Variants in MARCHF4 observed in about 807,000 individuals in gnomAD.
The protein encoded by MARCHF4 is E3 ubiquitin-protein ligase MARCHF4.
In MARCHF4, 14 loss-of-function variants were observed where a neutral mutation model predicts 43.9. That is an observed-to-expected ratio of 0.32 (90% confidence interval 0.21 to 0.50). The LOEUF (loss-of-function observed/expected upper bound fraction) is 0.50, where lower values mean the gene tolerates loss of function less well. Ranked by LOEUF, MARCHF4 falls within the 20% of genes least tolerant of loss-of-function variation. The probability of loss-of-function intolerance (pLI) is 0.98; values close to 1 mark genes in which losing one functional copy is unlikely to be tolerated. For missense variants in MARCHF4, 468 were observed against 536.7 expected, an observed-to-expected ratio of 0.87 and a Z score of 1.27; for synonymous variants, 226 against 213.3, an observed-to-expected ratio of 1.06 and a Z score of -0.52.
At chr2:216,306,500 A>G (rs10201088) in intron 1 of MARCHF4, among the ~76,000 whole-genome samples, 50,634 of 152,084 alleles carry the variant, frequency 0.33, 8,566 homozygotes, top group Non-Finnish European at 0.35. Flanking sequence ...TTGTCAAGAC[A>G]TTATAATCTT....
chr2:216,306,543 G>A (rs1022453353), intron 1 of MARCHF4, among the ~76,000 whole-genome samples: 1 of 152,096 alleles, frequency 6.6e-6, no homozygotes, highest in African/African-American at 2.4e-5. Context: ...ACATTTAACT[G>A]AGGGTGGTTT....
chr2:216,344,658 G>A (rs550967357), intron 1 of MARCHF4, among the ~76,000 whole-genome samples: 1 of 152,296 alleles, frequency 6.6e-6, no homozygotes, highest in South Asian at 2.1e-4. Context: ...TTCAGTCAGT[G>A]AGGGAGGTGG....
chr2:216,317,362 C>G (rs1417025259), intron 1 of MARCHF4, among the ~76,000 whole-genome samples: 2 of 152,202 alleles, frequency 1.3e-5, no homozygotes, highest in African/African-American at 2.4e-5. Context: ...ACCCCCTCTC[C>G]TCCCATGAGG....
chr2:216,307,514 T>C (rs940161841), intron 1 of MARCHF4, among the ~76,000 whole-genome samples: 1 of 150,872 alleles, frequency 6.6e-6, no homozygotes, highest in East Asian at 1.9e-4. Flanking sequence ...GGGTAAGGTC[T>C]AGGGAAGTGA....
chr2:216,349,237 TAA>T (rs1204911854), intron 1 of MARCHF4, among the ~76,000 whole-genome samples: 1 of 152,196 alleles, frequency 6.6e-6, no homozygotes, highest in East Asian at 1.9e-4. Flanking sequence ...GTTAAAAACA[TAA>T]GTTTCAGGGA....
chr2:216,362,555 GT>G (rs1559108194), intron 1 of MARCHF4, among the ~76,000 whole-genome samples: 4 of 152,274 alleles, frequency 2.6e-5, no homozygotes, highest in Non-Finnish European at 5.9e-5. Flanking sequence ...CTATGGACAG[GT>G]CCTGCAAAAA....
intron 1 of MARCHF4, among the ~76,000 whole-genome samples, chr2:216,310,813 A>T (rs766999082): frequency 6.6e-6 from 1 of 152,136 alleles, no homozygotes; most frequent in African/African-American, 2.4e-5. Context: ...TCAGGGCTTC[A>T]TCCTGCACAA....
chr2:216,318,301 C>T (rs1183472003), intron 1 of MARCHF4, among the ~76,000 whole-genome samples: 1 of 152,150 alleles, frequency 6.6e-6, no homozygotes, highest in Non-Finnish European at 1.5e-5. Flanking sequence ...AGCGGGCAAA[C>T]GAACGCCCCT....
Position 216,259,603 on chromosome 2 carries a change from C to T in MARCHF4, c.942G>A (p.Val314=). 6.2e-7 allele frequency: 1 copy of T among 1,614,214 alleles called. No individual in the cohort carries two copies. Among genetic ancestry groups the T allele is most frequent in the Non-Finnish European group, 8.5e-7 (1 of 1,180,036 alleles). ...GGTCTTTTGTCTTGTCATAGTTCAG[C>T]ACTTTCCACTGCTGGTTGACAGCCT... The part of the protein sequence containing the change: ...RWQAVNQQWK[V]LNYDKTKDLE... The change falls in exon 4 of 4, where the codon GTG becomes GTA. Residue 314 remains valine (V), a synonymous_variant. Transcript: ENST00000273067.
At chr2:216,326,741 C>G (rs916902694) in intron 1 of MARCHF4, among the ~76,000 whole-genome samples, 9 of 148,912 alleles carry the variant, frequency 6.0e-5, no homozygotes, top group Non-Finnish European at 8.8e-5. Context: ...TATTCTCACT[C>G]ATAGGTGGGA....
intron 3 of MARCHF4, among the ~76,000 whole-genome samples, chr2:216,260,696 A>G (rs1690727989): frequency 6.6e-6 from 1 of 152,188 alleles, no homozygotes; most frequent in South Asian, 2.1e-4. Flanking sequence ...CTTATAGGCC[A>G]TGGCTAGGGA....
intron 3 of MARCHF4, among the ~76,000 whole-genome samples, chr2:216,271,397 C>G (rs1690934637): frequency 6.6e-6 from 1 of 152,200 alleles, no homozygotes; most frequent in East Asian, 1.9e-4. Flanking sequence ...CTTCAATAAG[C>G]CTTCCTGGAC....
chr2:216,263,503 G>GAGAGAGAGAAAGAGAGAA (rs1690781471), intron 3 of MARCHF4, among the ~76,000 whole-genome samples: 1 of 141,140 alleles, frequency 7.1e-6, no homozygotes, highest in Admixed American at 7.0e-5. Context: ...AAGAGAGAGA[G>GAGAGAGAGAAAGAGAGAA]AGAGAGAGAG....
chr2:216,269,711 TC>T (rs1192874746), intron 3 of MARCHF4, among the ~76,000 whole-genome samples: 2 of 152,104 alleles, frequency 1.3e-5, no homozygotes, highest in African/African-American at 4.8e-5. Flanking sequence ...TGAACCACCC[TC>T]TGATGATGGT....
chr2:216,258,479 C>A lies in MARCHF4; in HGVS notation c.*833G>T, dbSNP rs1404604070. The A allele has an allele frequency of 6.6e-6, 1 of 150,590 alleles. No homozygotes were observed. Among genetic ancestry groups the A allele is most frequent in the Non-Finnish European group, 1.5e-5 (1 of 68,210 alleles). The allele number at this position is 150,590 out of a possible 1,614,324, so 9.3% of individuals were successfully genotyped here. Reference sequence around the variant, plus strand: ...AGCAGCAGAACTGTGCTTGAAATATCCACTGGAAATCTGTACTTTTCTCTA... The same window carrying A: ...AGCAGCAGAACTGTGCTTGAAATATACACTGGAAATCTGTACTTTTCTCTA... On this transcript the variant is annotated 3_prime_UTR_variant, in exon 4 of 4. Transcript: ENST00000273067.
chr2:216,272,267 C>T lies in MARCHF4; in HGVS notation c.865+5405G>A, dbSNP rs76230255. On this transcript the variant is annotated intron_variant, in intron 3 of 3. Transcript: ENST00000273067. ...CCAGAGTGTCTTATAGGGAGATAAA[C>T]CATAAAATTTCATCTCAATTTCTCA... 1.9e-4 allele frequency among the ~76,000 whole-genome samples: 29 copies of T among 152,212 alleles called. No homozygotes were observed. In the East Asian group the frequency reaches 5.4e-3, roughly 28 times the overall value.
At chr2:216,290,081 T>G (rs1559090798) in intron 1 of MARCHF4, among the ~76,000 whole-genome samples, 1 of 152,130 alleles carries the variant, frequency 6.6e-6, no homozygotes, top group Non-Finnish European at 1.5e-5. Flanking sequence ...AATTCTCTAG[T>G]CAAGACAGAC....
intron 1 of MARCHF4, among the ~76,000 whole-genome samples, chr2:216,348,339 G>A (rs559397762): frequency 3.4e-4 from 52 of 152,114 alleles, no homozygotes; most frequent in African/African-American, 1.0e-3. Context: ...GTGCCTGGCC[G>A]GTTAAGGCAT....
rs80106304 is a variant in MARCHF4 at position 216,292,439 on chromosome 2, T to G, written c.517-8710A>C. Among the ~76,000 whole-genome samples the G allele has an allele frequency of 5.9e-5, 9 of 152,256 alleles. No homozygotes were observed. In the East Asian group the frequency reaches 1.7e-3, roughly 29 times the overall value. On this transcript the variant is annotated intron_variant, in intron 1 of 3. Coordinates refer to ENST00000273067, the MANE Select transcript of MARCHF4 (RefSeq NM_020814.3). ...GGGTGGAGGTGGAGCCCATGTGTAT[T>G]AGTGTGGGGAGGAATGGGTATAGGA...
Sources: allele counts gnomAD v4.1 joint callset (sites outside exome capture counted in the v4.1 genomes callset), GRCh38; gene constraint gnomAD v4.1.1; transcripts MANE v1.5; gene names NCBI Gene and HGNC (gene_info 2026-07-23, HGNC 2026-07-21).